The following UNC13C variants were observed in gnomAD, a reference collection of about 807,000 sequenced individuals.
The protein encoded by UNC13C is protein unc-13 homolog C.
In UNC13C, 174 loss-of-function variants were observed where a neutral mutation model predicts 245.4. That is an observed-to-expected ratio of 0.71 (90% CI 0.63 to 0.80). The LOEUF is 0.80. Ranked by LOEUF, UNC13C falls within the 30% of genes least tolerant of loss-of-function variation. UNC13C has a pLI of 0.00. For synonymous variants in UNC13C, 992 were observed against 895.1 expected (o/e 1.11, Z -1.93); for missense variants, 2,829 against 2,602.9 (o/e 1.09, Z -1.89).
At chr15:54,481,071 G>A (rs987014597) in intron 19 of UNC13C, among the ~76,000 whole-genome samples, 1 of 152,100 alleles carries the variant, frequency 6.6e-6, no homozygotes, top group East Asian at 1.9e-4. Flanking sequence ...TTTGTTTCTG[G>A]CAGGGCATAG....
intron 29 of UNC13C, among the ~76,000 whole-genome samples, chr15:54,563,663 C>A (rs1897385700): frequency 6.6e-6 from 1 of 152,138 alleles, no homozygotes; most frequent in Admixed American, 6.6e-5. Context: ...TCCTTTCTAG[C>A]ATGTTATCCC....
intron 2 of UNC13C, among the ~76,000 whole-genome samples, chr15:54,055,563 C>A (rs1157623935): frequency 6.6e-6 from 1 of 152,112 alleles, no homozygotes; most frequent in African/African-American, 2.4e-5. Flanking sequence ...CATGTCTAGA[C>A]AAAATGCAAA....
chr15:54,306,008 A>G (rs1024643795), intron 13 of UNC13C, among the ~76,000 whole-genome samples: 1 of 152,080 alleles, frequency 6.6e-6, no homozygotes, highest in Non-Finnish European at 1.5e-5. Flanking sequence ...GAATAAATAA[A>G]TAAGGGGAAG....
chr15:54,160,078 A>T (rs1263696310), intron 4 of UNC13C, among the ~76,000 whole-genome samples: 2 of 152,232 alleles, frequency 1.3e-5, no homozygotes, highest in Non-Finnish European at 2.9e-5. Context: ...ACATCACGGA[A>T]AACTAGACAA....
intron 19 of UNC13C, among the ~76,000 whole-genome samples, chr15:54,428,968 C>T (rs566069976): frequency 4.9e-4 from 75 of 151,762 alleles, no homozygotes; most frequent in Middle Eastern, 6.8e-3. Context: ...AATCGGGTCC[C>T]GTATTTCCCA....
At chr15:53,868,402 GA>G in the UNC13C span, among the ~76,000 whole-genome samples, 8 of 152,106 alleles carry the variant, frequency 5.3e-5, no homozygotes, top group Admixed American at 1.3e-4. Flanking sequence ...AAAGTAGGTG[GA>G]AAAAATTCAC....
intron 19 of UNC13C, among the ~76,000 whole-genome samples, chr15:54,458,297 G>A (rs1891645141): frequency 1.3e-5 from 2 of 151,952 alleles, no homozygotes; most frequent in Admixed American, 1.3e-4. Context: ...CTTGTTTTGT[G>A]GCCTATCATA....
At chr15:54,122,871 T>A (rs1370342362) in intron 2 of UNC13C, among the ~76,000 whole-genome samples, 1 of 152,108 alleles carries the variant, frequency 6.6e-6, no homozygotes, top group African/African-American at 2.4e-5. Context: ...TTGACATTTA[T>A]GTTATTTCCA....
intron 4 of UNC13C, among the ~76,000 whole-genome samples, chr15:54,155,180 G>T (rs2032689772): frequency 6.6e-6 from 1 of 152,140 alleles, no homozygotes; most frequent in Non-Finnish European, 1.5e-5. Context: ...TGCATGTGTG[G>T]TCAGCCCAAC....
chr15:54,145,119 T>C (rs1595907955), intron 4 of UNC13C, among the ~76,000 whole-genome samples: 1 of 151,890 alleles, frequency 6.6e-6, no homozygotes, highest in South Asian at 2.1e-4. Context: ...TACATATATA[T>C]GTATAGTGTA....
chr15:53,873,499 C>T, the UNC13C span, among the ~76,000 whole-genome samples: 2 of 152,176 alleles, frequency 1.3e-5, no homozygotes, highest in South Asian at 2.1e-4. Flanking sequence ...AGCTGCTCCA[C>T]AGCCACACTG....
chr15:54,111,539 C>G (rs1419289073), intron 2 of UNC13C, among the ~76,000 whole-genome samples: 3 of 152,136 alleles, frequency 2.0e-5, no homozygotes, highest in African/African-American at 7.2e-5. Context: ...TCTGGGAAAC[C>G]ACAGGGCCTC....
intron 2 of UNC13C, among the ~76,000 whole-genome samples, chr15:54,137,769 A>T (rs902058266): frequency 2.7e-5 from 4 of 150,580 alleles, no homozygotes; most frequent in African/African-American, 9.8e-5. Context: ...TTTCAAAAAA[A>T]CCCTCTTAGT....
At chr15:54,089,376 G>A (rs1210850495) in intron 2 of UNC13C, among the ~76,000 whole-genome samples, 2 of 152,120 alleles carry the variant, frequency 1.3e-5, no homozygotes, top group African/African-American at 4.8e-5. Context: ...AGACTTAATC[G>A]GGGTTTCCTG....
Position 54,427,093 on chromosome 15 carries a change from A to C in UNC13C, c.4933+12026A>C, listed in dbSNP as rs113426506. On this transcript the variant is annotated intron_variant, in intron 19 of 32. Transcript: ENST00000260323. Reference sequence around the variant, plus strand: ...AATATATAAAGCATAACATTTTACAAATACCAGAGGATAATATGACCAAAT... The same window carrying C: ...AATATATAAAGCATAACATTTTACACATACCAGAGGATAATATGACCAAAT... Among the ~76,000 whole-genome samples the C allele has an allele frequency of 8.2e-3, 1,251 of 151,918 alleles. 13 individuals carry two copies. Among genetic ancestry groups the C allele is most frequent in the African/African-American group, 0.029 (1,210 of 41,500 alleles).
chr15:54,502,204 T>C (rs954896381), intron 22 of UNC13C, among the ~76,000 whole-genome samples: 1 of 152,096 alleles, frequency 6.6e-6, no homozygotes, highest in African/African-American at 2.4e-5. Context: ...CCTTGAGGGA[T>C]GTAGTCATGA....
chr15:54,045,915 A>C (rs1404683496), intron 2 of UNC13C, among the ~76,000 whole-genome samples: 1 of 152,184 alleles, frequency 6.6e-6, no homozygotes, highest in Admixed American at 6.5e-5. Flanking sequence ...TCTATAAAGA[A>C]GATTTTATCA....
At chr15:54,441,987 T>G (rs1334816086) in intron 19 of UNC13C, among the ~76,000 whole-genome samples, 1 of 152,010 alleles carries the variant, frequency 6.6e-6, no homozygotes, top group East Asian at 1.9e-4. Context: ...TTCATTATTA[T>G]TGTATAGAAA....
the UNC13C span, among the ~76,000 whole-genome samples, chr15:53,916,616 A>G: frequency 6.6e-6 from 1 of 152,216 alleles, no homozygotes; most frequent in Non-Finnish European, 1.5e-5. Context: ...CAGTGTGGCT[A>G]AAAGTGTGCT....
Sources: allele counts gnomAD v4.1 joint callset (sites outside exome capture counted in the v4.1 genomes callset), GRCh38; gene constraint gnomAD v4.1.1; transcripts MANE v1.5; gene names NCBI Gene and HGNC (gene_info 2026-07-23, HGNC 2026-07-21).